Variants in TRDN observed in about 807,000 individuals in gnomAD.
TRDN encodes the protein triadin in skeletal muscle.
Under a neutral mutation model 149.7 loss-of-function variants are expected in TRDN, and 161 were observed. The ratio of observed to expected loss-of-function variants is 1.08; its 90% CI spans 0.95 to 1.23. The LOEUF (loss-of-function observed/expected upper bound fraction) is 1.23, where lower values mean the gene tolerates loss of function less well. TRDN is among the 50% of genes most tolerant of loss of function. TRDN has a pLI of 0.00. For synonymous variants in TRDN, 294 were observed against 250.5 expected (o/e 1.17, Z -1.64); for missense variants, 896 against 823.5 (o/e 1.09, Z -1.08).
intron 21 of TRDN, among the ~76,000 whole-genome samples, chr6:123,345,680 G>C (rs9388227): frequency 0.18 from 28,079 of 151,920 alleles, 3,541 homozygotes; most frequent in East Asian, 0.63. Context: ...CTAAGTCATT[G>C]TATCAATGAA....
chr6:123,488,080 G>A (rs1778050903), intron 9 of TRDN, among the ~76,000 whole-genome samples: 1 of 152,132 alleles, frequency 6.6e-6, no homozygotes, highest in South Asian at 2.1e-4. Flanking sequence ...GGACTGCTGA[G>A]CATGCAGAAG....
At chr6:123,302,057 A>G (rs1778449476) in intron 24 of TRDN, among the ~76,000 whole-genome samples, 2 of 150,720 alleles carry the variant, frequency 1.3e-5, no homozygotes, top group South Asian at 4.1e-4. Context: ...TATAATATGT[A>G]TATGTATAAT....
At chr6:123,273,428 A>T (rs1777271537) in intron 27 of TRDN, 65 bp from the exon 28 acceptor site, 1 of 766,018 alleles carries the variant, frequency 1.3e-6, no homozygotes, top group African/African-American at 1.9e-5. Context: ...ACAATAACAA[A>T]TACAACTGGT....
chr6:123,584,563 G>A (rs1359614370), intron 1 of TRDN, among the ~76,000 whole-genome samples: 4 of 151,992 alleles, frequency 2.6e-5, no homozygotes, highest in African/African-American at 9.7e-5. Context: ...GATCAGCAGG[G>A]AACGCACGTG....
At chr6:123,623,531 C>CA (rs1785502779) in intron 1 of TRDN, among the ~76,000 whole-genome samples, 1 of 152,076 alleles carries the variant, frequency 6.6e-6, no homozygotes, top group South Asian at 2.1e-4. Flanking sequence ...ATCGTTGCAA[C>CA]AAATTTTTCC....
intron 1 of TRDN, among the ~76,000 whole-genome samples, chr6:123,575,585 A>C (rs768429874): frequency 3.7e-4 from 57 of 152,218 alleles, no homozygotes; most frequent in Non-Finnish European, 6.3e-4. Flanking sequence ...AGCACTTTCC[A>C]GGCCTGCTTT....
At position 123,625,154 on chromosome 6, in the gene TRDN, G is replaced by A. The variant is rs557026943; in HGVS notation, c.22+11600C>T. ...AAAATCATTACACCTTCACAATAATGTCATGTGCACTGCGAATTACCAGTG... is the reference window on the plus strand; with the variant it reads ...AAAATCATTACACCTTCACAATAATATCATGTGCACTGCGAATTACCAGTG... On this transcript the variant is annotated intron_variant, in intron 1 of 40. Transcript: ENST00000334268. Among the ~76,000 whole-genome samples the A allele has an allele frequency of 2.0e-5, 3 of 150,000 alleles. No homozygotes were observed. In the East Asian group the frequency reaches 5.9e-4, roughly 30 times the overall value.
At chr6:123,627,402 AT>A (rs1005586317) in intron 1 of TRDN, among the ~76,000 whole-genome samples, 2 of 151,154 alleles carry the variant, frequency 1.3e-5, no homozygotes, top group African/African-American at 4.8e-5. Flanking sequence ...CTTTGGAAGA[AT>A]TTTTTTTTTG....
At chr6:123,560,183 ACT>A (rs1781908558) in intron 2 of TRDN, among the ~76,000 whole-genome samples, 1 of 151,686 alleles carries the variant, frequency 6.6e-6, no homozygotes, top group African/African-American at 2.4e-5. Context: ...TGCTCAACTC[ACT>A]CTCTACAGTT....
At chr6:123,620,874 C>G (rs1785347259) in intron 1 of TRDN, among the ~76,000 whole-genome samples, 1 of 152,020 alleles carries the variant, frequency 6.6e-6, no homozygotes, top group Admixed American at 6.6e-5. Flanking sequence ...AAGATGATGT[C>G]CATTGGATAA....
chr6:123,334,591 A>T (rs1350781090), intron 22 of TRDN, among the ~76,000 whole-genome samples: 3 of 152,092 alleles, frequency 2.0e-5, no homozygotes, highest in Non-Finnish European at 4.4e-5. Context: ...AGACCTCAAA[A>T]GCAGGACTAT....
At chr6:123,278,936 T>G in intron 25 of TRDN, 120 bp downstream of exon 25, 1 of 937,656 alleles carries the variant, frequency 1.1e-6, no homozygotes, top group South Asian at 2.2e-5. Flanking sequence ...AACAAGCCTT[T>G]GACTTTAAGC....
chr6:123,481,705 C>T (rs1386752629), intron 9 of TRDN, among the ~76,000 whole-genome samples: 1 of 152,068 alleles, frequency 6.6e-6, no homozygotes, highest in Non-Finnish European at 1.5e-5. Context: ...ATGTTGTCAT[C>T]GTGATCATCT....
At chr6:123,234,766 T>A (rs1248673813) in intron 38 of TRDN, among the ~76,000 whole-genome samples, 1 of 152,144 alleles carries the variant, frequency 6.6e-6, no homozygotes, top group Non-Finnish European at 1.5e-5. Flanking sequence ...AAAGGAAATC[T>A]TCAAATAGAA....
At chr6:123,553,190 A>T (rs1190691464) in intron 2 of TRDN, among the ~76,000 whole-genome samples, 1 of 152,144 alleles carries the variant, frequency 6.6e-6, no homozygotes, top group Non-Finnish European at 1.5e-5. Context: ...TCCCCTCAAC[A>T]GGAGGCCTGT....
At chr6:123,352,287 C>T (rs1780489556) in intron 21 of TRDN, 5 of 984,760 alleles carry the variant, frequency 5.1e-6, no homozygotes, top group Non-Finnish European at 6.0e-6. Context: ...TCAGCATGTC[C>T]CCTGATGTAA....
intron 1 of TRDN, among the ~76,000 whole-genome samples, chr6:123,595,614 T>C (rs1442684123): frequency 6.6e-6 from 1 of 152,194 alleles, no homozygotes; most frequent in Non-Finnish European, 1.5e-5. Flanking sequence ...GGCATCATTT[T>C]TCCCATAGCA....
At chr6:123,488,769 C>A (rs1006255314) in intron 9 of TRDN, 73 of 149,032 alleles carry the variant, frequency 4.9e-4, no homozygotes, top group African/African-American at 1.8e-3. Flanking sequence ...ATTTGCAATT[C>A]CCTATCTATG....
chr6:123,478,138 C>G (rs1387148885), intron 9 of TRDN, among the ~76,000 whole-genome samples: 1 of 151,234 alleles, frequency 6.6e-6, no homozygotes, highest in Non-Finnish European at 1.5e-5. Flanking sequence ...TTTTATTTTC[C>G]TATTTAATCA....
Sources: gnomAD v4.1 joint callset for allele counts (sites outside exome capture counted in the v4.1 genomes callset) on GRCh38, gnomAD v4.1.1 for gene constraint, MANE v1.5 for transcripts, NCBI Gene and HGNC (gene_info 2026-07-23, HGNC 2026-07-21) for gene names.